Variants in DRC11 observed in about 807,000 individuals in gnomAD.
The protein encoded by DRC11 is dynein regulatory complex subunit 11, also known as IQ and AAA domain-containing protein 1.
At chr2:236,315,903 T>C in the DRC11 span, among the ~76,000 whole-genome samples, 1 of 152,134 alleles carries the variant, frequency 6.6e-6, no homozygotes, top group Non-Finnish European at 1.5e-5. The surrounding 1 kb of genome is among the most constrained non-coding windows in gnomAD (Gnocchi z 5.1). Flanking sequence ...CTGGGCTTAA[T>C]ACCTAAGTAA....
the DRC11 span, among the ~76,000 whole-genome samples, chr2:236,457,862 C>G: frequency 6.6e-6 from 1 of 152,164 alleles, no homozygotes; most frequent in African/African-American, 2.4e-5. The surrounding 1 kb of genome is among the most constrained non-coding windows in gnomAD (Gnocchi z 4.7). Context: ...AGTCTCCTGA[C>G]CTGTGAACTG....
At chr2:236,498,735 C>G in the DRC11 span, among the ~76,000 whole-genome samples, 1 of 152,158 alleles carries the variant, frequency 6.6e-6, no homozygotes, top group Non-Finnish European at 1.5e-5. Context: ...GCCGGTTTCC[C>G]GAGACTATGT....
the DRC11 span, among the ~76,000 whole-genome samples, chr2:236,456,832 G>A: frequency 2.0e-5 from 3 of 152,178 alleles, no homozygotes; most frequent in Non-Finnish European, 4.4e-5. This position sits in a 1 kb window ranked among gnomAD's most constrained non-coding sequence, Gnocchi z 5.4. Context: ...AATGCTCCAC[G>A]ATGGTGCAAT....
chr2:236,399,756 T>C, the DRC11 span, among the ~76,000 whole-genome samples: 1 of 152,214 alleles, frequency 6.6e-6, no homozygotes, highest in South Asian at 2.1e-4. This position sits in a 1 kb window ranked among gnomAD's most constrained non-coding sequence, Gnocchi z 7.0. Flanking sequence ...AGTTTGATCC[T>C]GTCTTCTTTT....
the DRC11 span, chr2:236,407,906 T>A: frequency 4.4e-6 from 2 of 450,822 alleles, no homozygotes; most frequent in East Asian, 5.8e-5. Context: ...ATATTTTCCA[T>A]GAATACTTTC....
At chr2:236,386,592 G>A in the DRC11 span, among the ~76,000 whole-genome samples, 5 of 151,670 alleles carry the variant, frequency 3.3e-5, no homozygotes, top group African/African-American at 4.8e-5. Context: ...TATCAATTTT[G>A]TTGATCCTTT....
At chr2:236,418,470 G>A in the DRC11 span, among the ~76,000 whole-genome samples, 1 of 152,226 alleles carries the variant, frequency 6.6e-6, no homozygotes, top group African/African-American at 2.4e-5. Flanking sequence ...ACATAGTCAT[G>A]TTTTAGGATG....
the DRC11 span, among the ~76,000 whole-genome samples, chr2:236,369,796 G>T: frequency 6.3e-4 from 96 of 152,282 alleles, no homozygotes; most frequent in Non-Finnish European, 1.5e-4. This position sits in a 1 kb window ranked among gnomAD's most constrained non-coding sequence, Gnocchi z 4.5. Flanking sequence ...CTTCCCATCC[G>T]TGCATTCGGA....
At chr2:236,357,605 ATATATT>A in the DRC11 span, among the ~76,000 whole-genome samples, 2 of 125,444 alleles carry the variant, frequency 1.6e-5, no homozygotes, top group African/African-American at 3.2e-5. Context: ...TTATGTAAAT[ATATATT>A]TATAAATATA....
the DRC11 span, chr2:236,507,162 G>C: frequency 7.3e-7 from 1 of 1,365,090 alleles, no homozygotes; most frequent in Non-Finnish European, 1.0e-6. Flanking sequence ...GAGGAGAAAA[G>C]AAAAGAAAAA....
At chr2:236,467,252 C>T in the DRC11 span, among the ~76,000 whole-genome samples, 1 of 152,126 alleles carries the variant, frequency 6.6e-6, no homozygotes, top group Non-Finnish European at 1.5e-5. Flanking sequence ...TTCTTTTTCT[C>T]CATTTCCTTG....
chr2:236,393,371 G>A, the DRC11 span, among the ~76,000 whole-genome samples: 1 of 152,082 alleles, frequency 6.6e-6, no homozygotes, highest in Middle Eastern at 3.2e-3. This position sits in a 1 kb window ranked among gnomAD's most constrained non-coding sequence, Gnocchi z 4.7. Flanking sequence ...CAAGGCAGGG[G>A]GTGGTGAATG....
chr2:236,481,925 A>G, the DRC11 span, among the ~76,000 whole-genome samples: 1 of 148,966 alleles, frequency 6.7e-6, no homozygotes, highest in South Asian at 2.1e-4. Context: ...TCTACATATT[A>G]TATGTATAAT....
At chr2:236,388,067 C>T in the DRC11 span, among the ~76,000 whole-genome samples, 3 of 152,036 alleles carry the variant, frequency 2.0e-5, no homozygotes, top group East Asian at 1.9e-4. Flanking sequence ...GAGGGTAACC[C>T]GACCTTTCTC....
chr2:236,500,778 T>C, the DRC11 span, among the ~76,000 whole-genome samples: 2 of 152,110 alleles, frequency 1.3e-5, no homozygotes, highest in East Asian at 3.9e-4. The surrounding 1 kb of genome is among the most constrained non-coding windows in gnomAD (Gnocchi z 6.3). Flanking sequence ...TCTCAGCTCA[T>C]TCCAACCTCT....
chr2:236,479,540 C>G, the DRC11 span, among the ~76,000 whole-genome samples: 1 of 152,060 alleles, frequency 6.6e-6, no homozygotes, highest in Non-Finnish European at 1.5e-5. The surrounding 1 kb of genome is among the most constrained non-coding windows in gnomAD (Gnocchi z 4.1). Flanking sequence ...AGGCTTACAA[C>G]AAGTCATATA....
chr2:236,409,346 A>G, the DRC11 span, among the ~76,000 whole-genome samples: 94 of 152,190 alleles, frequency 6.2e-4, no homozygotes, highest in African/African-American at 2.1e-3. Flanking sequence ...TTGGATTCCT[A>G]GGTATTTTAT....
chr2:236,464,440 A>C, the DRC11 span, among the ~76,000 whole-genome samples: 2 of 152,150 alleles, frequency 1.3e-5, no homozygotes, highest in African/African-American at 4.8e-5. Context: ...TCCCTTCTTG[A>C]AATAAAATTG....
chr2:236,459,576 C>CATACGTATATACGT, the DRC11 span, among the ~76,000 whole-genome samples: 1 of 126,240 alleles, frequency 7.9e-6, no homozygotes. Flanking sequence ...TATGTGTATA[C>CATACGTATATACGT]ATACGTATAT....
Sources: gnomAD v4.1 joint callset for allele counts (sites outside exome capture counted in the v4.1 genomes callset) on GRCh38, gnomAD v4.1.1 for gene constraint, Gnocchi (gnomAD v3.1) non-coding constraint, MANE v1.5 for transcripts, NCBI Gene and HGNC (gene_info 2026-07-23, HGNC 2026-07-21) for gene names.